CCDC60: variants seen among roughly 807,000 people sequenced by gnomAD.
The protein encoded by CCDC60 is coiled-coil domain-containing protein 60.
In CCDC60, 54 loss-of-function variants were observed where a neutral mutation model predicts 63.5. That is an observed-to-expected ratio of 0.85 (90% CI 0.68 to 1.07). The LOEUF (loss-of-function observed/expected upper bound fraction) is 1.07. Ranked by LOEUF, CCDC60 falls within the 50% of genes least tolerant of loss-of-function variation. CCDC60 has a pLI of 0.00. For synonymous variants in CCDC60, 206 were observed against 238.8 expected, an observed-to-expected ratio of 0.86 and a Z score of 1.27; for missense variants, 651 against 684.3, an observed-to-expected ratio of 0.95 and a Z score of 0.54.
rs762490888 is a variant in CCDC60 at position 119,522,990 on chromosome 12, G to T, written c.1092G>T (p.Lys364Asn). 6.2e-7 allele frequency: 1 copy of T among 1,614,092 alleles called. No individual in the cohort carries two copies. The highest frequency in any genetic ancestry group is 1.1e-5 in the South Asian group (1 of 91,082). ...AAAGCCACATCCAACCAGTCCAGAA[G>T]AAGTCTAAAAAGTAAGCCAGGAGGG... ...SAESHIQPVQ[K>N]KSKNRTNCDI... is the part of the protein sequence containing the mutation. The change falls in exon 10 of 14, where the codon AAG becomes AAT. Residue 364 changes from lysine (K) to asparagine (N), a missense_variant. Lys to Asn is a moderately conservative substitution (Grantham distance 94). Transcript: ENST00000327554.
intron 1 of CCDC60, among the ~76,000 whole-genome samples, chr12:119,369,326 A>C (rs1362029315): frequency 3.3e-5 from 5 of 152,242 alleles, no homozygotes; most frequent in African/African-American, 1.2e-4. Context: ...CTTTCAGCCC[A>C]GAAAAGGGTG....
In CCDC60 at chr12:119,523,780, T is replaced by A. The variant is rs1468092430; in HGVS notation, c.1191T>A (p.Ala397=). The part of the protein sequence containing the change: ...RAKFYSVAQE[A]GFCLQDKMEI... ...AGTTTTACAGCGTAGCCCAGGAGGC[T>A]GGCTTCTGCCTGCAGGACAAGATGG... The change falls in exon 11 of 14, where the codon GCT becomes GCA. Residue 397 remains alanine, a synonymous_variant. Transcript: ENST00000327554. 2 of 1,614,098 alleles carry A rather than the reference T, an allele frequency of 1.2e-6. No individual in the cohort carries two copies. The highest frequency in any genetic ancestry group is 1.7e-6 in the Non-Finnish European group (2 of 1,180,020).
intron 13 of CCDC60, among the ~76,000 whole-genome samples, chr12:119,537,782 T>C (rs2695511): frequency 0.33 from 49,805 of 152,076 alleles, 8,485 homozygotes; most frequent in African/African-American, 0.44. Context: ...ATCCTTCCTC[T>C]GGAAGCTTCG....
chr12:119,470,575 C>T (rs548023276), intron 2 of CCDC60, among the ~76,000 whole-genome samples: 7 of 152,298 alleles, frequency 4.6e-5, no homozygotes, highest in Admixed American at 2.0e-4. Context: ...CACCTTAGCT[C>T]GTCTTAGCAA....
chr12:119,412,040 A>T (rs547297427), intron 1 of CCDC60, among the ~76,000 whole-genome samples: 1 of 152,322 alleles, frequency 6.6e-6, no homozygotes, highest in East Asian at 1.9e-4. Context: ...TTTAAGAAAT[A>T]TGTGAGCTGC....
intron 5 of CCDC60, among the ~76,000 whole-genome samples, chr12:119,491,837 T>C (rs2136385852): frequency 6.6e-6 from 1 of 152,224 alleles, no homozygotes; most frequent in South Asian, 2.1e-4. Context: ...CTCCTACATG[T>C]GGGCACCCAT....
At chr12:119,391,547 A>T (rs1956158640) in intron 1 of CCDC60, among the ~76,000 whole-genome samples, 1 of 152,266 alleles carries the variant, frequency 6.6e-6, no homozygotes, top group African/African-American at 2.4e-5. Context: ...GCCTCTGCAC[A>T]ATGACAGCAA....
At chr12:119,473,417 C>T (rs1421759389) in intron 3 of CCDC60, among the ~76,000 whole-genome samples, 4 of 152,236 alleles carry the variant, frequency 2.6e-5, no homozygotes, top group African/African-American at 9.6e-5. Context: ...AGGTCAGTTA[C>T]ATTAGGCTCT....
intron 7 of CCDC60, among the ~76,000 whole-genome samples, chr12:119,508,920 G>C (rs1184151590): frequency 6.6e-6 from 1 of 152,042 alleles, no homozygotes; most frequent in East Asian, 1.9e-4. Context: ...CCCAGTCCCA[G>C]AGCTTGCCCA....
intron 1 of CCDC60, among the ~76,000 whole-genome samples, chr12:119,367,351 G>C (rs903801711): frequency 6.6e-6 from 1 of 152,166 alleles, no homozygotes; most frequent in Non-Finnish European, 1.5e-5. Flanking sequence ...TCCAGAAAAA[G>C]CCCTCGAGTC....
intron 2 of CCDC60, among the ~76,000 whole-genome samples, 197 bp from the exon 3 acceptor site, chr12:119,471,793 CCTCT>C (rs375727887): frequency 2.8e-4 from 42 of 149,820 alleles, no homozygotes; most frequent in East Asian, 3.9e-4. Context: ...CTCCTCCCTC[CCTCT>C]CTCTCTCTCT....
At chr12:119,403,678 C>T (rs1956435581) in intron 1 of CCDC60, among the ~76,000 whole-genome samples, 1 of 151,988 alleles carries the variant, frequency 6.6e-6, no homozygotes, top group Admixed American at 6.6e-5. Context: ...TTCTACCGCT[C>T]CCTTGTTCCT....
chr12:119,361,036 T>A (rs1213490734), intron 1 of CCDC60, among the ~76,000 whole-genome samples: 3 of 151,800 alleles, frequency 2.0e-5, no homozygotes, highest in African/African-American at 7.3e-5. Context: ...CTCCGCAGGC[T>A]GAGGCAGGAG....
intron 2 of CCDC60, among the ~76,000 whole-genome samples, chr12:119,445,601 GGTCA>G (rs1400418006): frequency 1.3e-5 from 2 of 151,958 alleles, no homozygotes; most frequent in African/African-American, 4.8e-5. Flanking sequence ...AGAGTTTGGG[GGTCA>G]GGAAATTCTG....
At chr12:119,360,186 C>A (rs530340317) in intron 1 of CCDC60, among the ~76,000 whole-genome samples, 10,726 of 147,948 alleles carry the variant, frequency 0.072, 359 homozygotes, top group Non-Finnish European at 0.1. Context: ...ACCTCCCTCC[C>A]GGACAGGGCG....
At chr12:119,450,817 G>A (rs2136281787) in intron 2 of CCDC60, among the ~76,000 whole-genome samples, 1 of 150,156 alleles carries the variant, frequency 6.7e-6, no homozygotes, top group Admixed American at 6.7e-5. Flanking sequence ...GAGTTCACGC[G>A]ACTGCACTCC....
At chr12:119,461,823 C>T (rs1286589507) in intron 2 of CCDC60, among the ~76,000 whole-genome samples, 3 of 152,100 alleles carry the variant, frequency 2.0e-5, no homozygotes, top group Admixed American at 6.6e-5. Context: ...ACACAAATAG[C>T]CTGGTAATCA....
At chr12:119,384,943 G>GC (rs1956045195) in intron 1 of CCDC60, among the ~76,000 whole-genome samples, 1 of 152,200 alleles carries the variant, frequency 6.6e-6, no homozygotes, top group African/African-American at 2.4e-5. Flanking sequence ...TGAGTGGGGG[G>GC]GCTGATATCC....
intron 4 of CCDC60, among the ~76,000 whole-genome samples, chr12:119,486,338 G>A (rs1054858169): frequency 3.3e-5 from 5 of 152,024 alleles, no homozygotes; most frequent in South Asian, 2.1e-4. Context: ...GGAGTTTGAC[G>A]CTAGCCTAGG....
Sources: allele counts gnomAD v4.1 joint callset (sites outside exome capture counted in the v4.1 genomes callset), GRCh38; gene constraint gnomAD v4.1.1; transcripts MANE v1.5; gene names NCBI Gene and HGNC (gene_info 2026-07-23, HGNC 2026-07-21).